The following WWC1 variants were observed in gnomAD, a reference collection of about 807,000 sequenced individuals.
WWC1 encodes protein KIBRA.
A neutral mutation model predicts 138.4 loss-of-function variants in WWC1; 55 were observed. That is an observed-to-expected ratio of 0.40 (90% CI 0.32 to 0.50). The LOEUF (loss-of-function observed/expected upper bound fraction) is 0.50, where lower values mean the gene tolerates loss of function less well. WWC1 is among the 20% of genes least tolerant of loss of function. The pLI is 0.72. For synonymous variants in WWC1, 524 were observed against 564.9 expected (o/e 0.93, Z 1.03); for missense variants, 1,226 against 1,420.4 (o/e 0.86, Z 2.20).
chr5:168,310,658 G>T (rs2152748329), intron 1 of WWC1, among the ~76,000 whole-genome samples: 1 of 151,968 alleles, frequency 6.6e-6, no homozygotes, highest in South Asian at 2.1e-4. Context: ...AACATAGGGA[G>T]ACCTCTGTCT....
intron 17 of WWC1, among the ~76,000 whole-genome samples, chr5:168,445,068 C>A (rs1755122242): frequency 6.6e-6 from 1 of 152,102 alleles, no homozygotes. Flanking sequence ...GTAGTCCCAG[C>A]ACTTTGGGAA....
At chr5:168,295,299 G>A (rs1251889633) in intron 1 of WWC1, among the ~76,000 whole-genome samples, 1 of 151,830 alleles carries the variant, frequency 6.6e-6, no homozygotes. Flanking sequence ...CAGACTCCAT[G>A]AGAGGAGAAG....
intron 19 of WWC1, among the ~76,000 whole-genome samples, chr5:168,459,729 C>G (rs1406250284): frequency 1.3e-5 from 2 of 152,144 alleles, no homozygotes; most frequent in East Asian, 3.9e-4. Flanking sequence ...ATCATTATCA[C>G]AATTAATTAT....
intron 19 of WWC1, among the ~76,000 whole-genome samples, chr5:168,457,019 C>T (rs1756391392): frequency 6.6e-6 from 1 of 152,064 alleles, no homozygotes; most frequent in South Asian, 2.1e-4. Flanking sequence ...GCATCTGTAA[C>T]ACACCAAGCA....
At chr5:168,317,988 A>T (rs981181531) in intron 1 of WWC1, among the ~76,000 whole-genome samples, 7 of 152,182 alleles carry the variant, frequency 4.6e-5, no homozygotes. Flanking sequence ...GGTATACTGC[A>T]CAATTCAGCT....
chr5:168,376,945 C>T lies in WWC1; in HGVS notation c.229+5412C>T, dbSNP rs534115831. On this transcript the variant is annotated intron_variant, in intron 2 of 22. Coordinates refer to ENST00000265293, the MANE Select transcript of WWC1 (RefSeq NM_015238.3). ...AGAAAAAACTATTCTAAATTCATTT[C>T]GAGCCAGAAAAGAGTCCAAACGGCC... Among the ~76,000 whole-genome samples, 295 of 152,214 alleles carry T rather than the reference C, an allele frequency of 1.9e-3. 3 individuals are homozygous for T. The highest frequency in any genetic ancestry group is 6.2e-3 in the African/African-American group (259 of 41,538).
chr5:168,333,631 G>A (rs1773214120), intron 1 of WWC1, among the ~76,000 whole-genome samples: 2 of 152,168 alleles, frequency 1.3e-5, no homozygotes, highest in African/African-American at 2.4e-5. Context: ...CTGCACTGGT[G>A]TGGCTGCGGA....
chr5:168,450,104 G>A (rs964179249), intron 17 of WWC1, among the ~76,000 whole-genome samples: 1 of 152,210 alleles, frequency 6.6e-6, no homozygotes, highest in Non-Finnish European at 1.5e-5. Flanking sequence ...CTTTTGGCTA[G>A]GATTCTTTTG....
chr5:168,352,776 G>C (rs187592576), intron 1 of WWC1, among the ~76,000 whole-genome samples: 16 of 151,832 alleles, frequency 1.1e-4, no homozygotes, highest in Non-Finnish European at 2.1e-4. Flanking sequence ...TAGAGATGGG[G>C]TTTCACCATG....
Position 168,467,907 on chromosome 5 carries a change from A to T in WWC1, c.3218A>T (p.Asp1073Val). 1 of 1,614,196 alleles carries T rather than the reference A, an allele frequency of 6.2e-7. No homozygotes were observed. Among genetic ancestry groups the T allele is most frequent in the Non-Finnish European group, 8.5e-7 (1 of 1,180,036 alleles). Reference sequence around the variant, plus strand: ...AAGATGATGAGGGCAGCTGCCAAGGATGTGCACAGGCTCCGAGGCCAGAGC... The same window carrying T: ...AAGATGATGAGGGCAGCTGCCAAGGTTGTGCACAGGCTCCGAGGCCAGAGC... ...TDKMMRAAAKDVHRLRGQSCK... is the reference protein window; with the variant it reads ...TDKMMRAAAKVVHRLRGQSCK... The change falls in exon 22 of 23, where the codon GAT becomes GTT. Residue 1073 changes from aspartate to valine, a missense_variant. Asp to Val is a radical substitution (Grantham distance 152). This residue lies in a region of WWC1 where 206 missense variants were observed against 247.4 expected (regional missense o/e 0.83). Coordinates refer to ENST00000265293, the MANE Select transcript of WWC1 (RefSeq NM_015238.3).
chr5:168,340,664 C>T (rs1773968593), intron 1 of WWC1, among the ~76,000 whole-genome samples: 2 of 152,220 alleles, frequency 1.3e-5, no homozygotes, highest in Non-Finnish European at 2.9e-5. Flanking sequence ...TGTAGCAGTA[C>T]TTCATTGCTT....
intron 9 of WWC1, among the ~76,000 whole-genome samples, chr5:168,420,354 C>G (rs1780993830): frequency 6.6e-6 from 1 of 152,122 alleles, no homozygotes; most frequent in Non-Finnish European, 1.5e-5. Flanking sequence ...GTGCCTGTGC[C>G]CTAATCTCCT....
chr5:168,369,725 A>G (rs866599752), intron 1 of WWC1, among the ~76,000 whole-genome samples: 1 of 152,144 alleles, frequency 6.6e-6, no homozygotes, highest in African/African-American at 2.4e-5. Context: ...CTGGGTATAT[A>G]GTGGTACGTG....
chr5:168,451,999 G>A (rs1755871839), intron 17 of WWC1, among the ~76,000 whole-genome samples: 1 of 143,910 alleles, frequency 6.9e-6, no homozygotes, highest in African/African-American at 2.6e-5. Context: ...TCCACCTCTT[G>A]GGTTCAAGCA....
At chr5:168,425,100 A>T (rs1027397602) in intron 11 of WWC1, among the ~76,000 whole-genome samples, 3 of 152,158 alleles carry the variant, frequency 2.0e-5, no homozygotes, top group Admixed American at 1.3e-4. Context: ...GAGGAATTGG[A>T]GATTCAGAGA....
intron 21 of WWC1, 129 bp from the exon 22 acceptor site, chr5:168,467,711 T>C (rs1263128302): frequency 1.5e-6 from 2 of 1,333,798 alleles, no homozygotes; most frequent in Non-Finnish European, 2.0e-6. Flanking sequence ...CTGAATGAAG[T>C]GGATCCCACA....
chr5:168,329,232 A>G (rs772396331), intron 1 of WWC1, among the ~76,000 whole-genome samples: 5 of 152,170 alleles, frequency 3.3e-5, no homozygotes, highest in Non-Finnish European at 5.9e-5. Context: ...GTAGTTTTGT[A>G]TGATTCTTAG....
At chr5:168,345,809 T>G (rs542169438) in intron 1 of WWC1, among the ~76,000 whole-genome samples, 2 of 152,320 alleles carry the variant, frequency 1.3e-5, no homozygotes, top group Admixed American at 1.3e-4. Flanking sequence ...TAAGTGATCA[T>G]CTAAGTGCAG....
intron 3 of WWC1, among the ~76,000 whole-genome samples, chr5:168,390,143 T>C (rs1446958693): frequency 6.6e-6 from 1 of 152,196 alleles, no homozygotes; most frequent in Non-Finnish European, 1.5e-5. Context: ...GTGTCTCAGT[T>C]TTCTTCATCT....
Sources: gnomAD v4.1 joint callset for allele counts (sites outside exome capture counted in the v4.1 genomes callset) on GRCh38, gnomAD v4.1.1 for gene constraint, gnomAD v4.1.1 regional missense constraint, MANE v1.5 for transcripts, NCBI Gene and HGNC (gene_info 2026-07-23, HGNC 2026-07-21) for gene names.